SBF2: variants seen among roughly 807,000 people sequenced by gnomAD.
SBF2 encodes SET binding factor 2.
SBF2 carries 112 observed loss-of-function variants against 225.2 expected under a neutral mutation model. That is an observed-to-expected ratio of 0.50 (90% CI 0.43 to 0.58). The LOEUF (loss-of-function observed/expected upper bound fraction) is 0.58, where lower values mean the gene tolerates loss of function less well. Ranked by LOEUF, SBF2 falls within the 20% of genes least tolerant of loss-of-function variation. SBF2 has a pLI of 0.00. For missense variants in SBF2, 1,996 were observed against 2,206.2 expected, an observed-to-expected ratio of 0.90 and a Z score of 1.91; for synonymous variants, 763 against 773.3, an observed-to-expected ratio of 0.99 and a Z score of 0.22.
intron 1 of SBF2, 56 bp downstream of exon 1, chr11:10,293,959 T>C: frequency 8.5e-7 from 1 of 1,175,448 alleles, no homozygotes; most frequent in Non-Finnish European, 1.1e-6. Context: ...CGGAGCCCAC[T>C]GGACAGCGGC....
chr11:9,890,739 T>G (rs1860732428), intron 17 of SBF2, among the ~76,000 whole-genome samples: 1 of 152,188 alleles, frequency 6.6e-6, no homozygotes, highest in Non-Finnish European at 1.5e-5. Context: ...GGCTTTGCCA[T>G]ATTTTGACAG....
chr11:9,939,392 G>A lies in SBF2; in HGVS notation c.1860+22565C>T, dbSNP rs145314219. Among the ~76,000 whole-genome samples, 1,102 of 152,214 alleles carry A rather than the reference G, an allele frequency of 7.2e-3. 54 individuals are homozygous for A. The highest frequency in any genetic ancestry group is 0.051 in the Admixed American group (784 of 15,296). On this transcript the variant is annotated intron_variant, in intron 16 of 39. Coordinates refer to ENST00000256190, the MANE Select transcript of SBF2 (RefSeq NM_030962.4). ...ATTACAGGCGTGAGCCACTGCGCCC[G>A]GCCTAAACATGCATTTAAAATAATG...
chr11:9,977,581 A>C (rs1294041917), intron 13 of SBF2, among the ~76,000 whole-genome samples: 2 of 152,154 alleles, frequency 1.3e-5, no homozygotes, highest in Non-Finnish European at 2.9e-5. Context: ...AAAGCCAAAA[A>C]AGTAGGCCAA....
intron 1 of SBF2, among the ~76,000 whole-genome samples, chr11:10,300,041 A>AT (rs1964579824): frequency 6.6e-6 from 1 of 151,942 alleles, no homozygotes; most frequent in African/African-American, 2.4e-5. Context: ...GACTCCTTTC[A>AT]TTTTTTCTAA....
chr11:10,106,454 C>T (rs1201775724), intron 2 of SBF2, among the ~76,000 whole-genome samples: 1 of 151,954 alleles, frequency 6.6e-6, no homozygotes, highest in Non-Finnish European at 1.5e-5. Flanking sequence ...TGGCGAAACC[C>T]CATCTCTACT....
At chr11:9,784,023 AG>A (rs749771986) in intron 38 of SBF2, among the ~76,000 whole-genome samples, 39 of 152,188 alleles carry the variant, frequency 2.6e-4, no homozygotes, top group Non-Finnish European at 5.1e-4. Context: ...TGAAAACCTC[AG>A]GAATCCCCTC....
At chr11:10,167,949 T>C (rs1591113816) in intron 2 of SBF2, among the ~76,000 whole-genome samples, 1 of 152,158 alleles carries the variant, frequency 6.6e-6, no homozygotes, top group Non-Finnish European at 1.5e-5. Context: ...GTCCCGGAGG[T>C]GGAGGTTGTG....
intron 2 of SBF2, among the ~76,000 whole-genome samples, chr11:10,166,989 A>ACACACACACACACACAC (rs34539770): frequency 2.6e-5 from 4 of 151,364 alleles, no homozygotes; most frequent in Admixed American, 6.6e-5. Context: ...ACACACACAC[A>ACACACACACACACACAC]AAAAGGCTAC....
chr11:9,927,969 C>T (rs1201706028), intron 16 of SBF2, among the ~76,000 whole-genome samples: 18 of 151,534 alleles, frequency 1.2e-4, no homozygotes, highest in Non-Finnish European at 1.5e-5. Flanking sequence ...AAACTAGAAA[C>T]AGCTGAGATC....
chr11:10,234,243 CT>C (rs1490287178), intron 1 of SBF2, among the ~76,000 whole-genome samples: 1 of 152,066 alleles, frequency 6.6e-6, no homozygotes, highest in Non-Finnish European at 1.5e-5. Context: ...GTTTTTACCC[CT>C]CATTTTGATC....
chr11:9,796,208 AG>A (rs1853114296), intron 32 of SBF2, among the ~76,000 whole-genome samples: 1 of 152,106 alleles, frequency 6.6e-6, no homozygotes, highest in Non-Finnish European at 1.5e-5. Context: ...CGGTATAGCA[AG>A]AGAGGCATTA....
At chr11:9,862,943 C>A (rs1469743877) in intron 17 of SBF2, among the ~76,000 whole-genome samples, 2 of 151,984 alleles carry the variant, frequency 1.3e-5, no homozygotes, top group East Asian at 3.8e-4. Context: ...TTTGTCAAAT[C>A]ACATCTCTCT....
chr11:9,839,744 T>A, intron 25 of SBF2, 48 bp from the exon 26 acceptor site: 1 of 1,546,238 alleles, frequency 6.5e-7, no homozygotes, highest in Non-Finnish European at 8.9e-7. Context: ...CTCAAAGCAA[T>A]TGAGGTCTTC....
At chr11:10,276,263 T>A (rs1274496355) in intron 1 of SBF2, among the ~76,000 whole-genome samples, 2 of 152,224 alleles carry the variant, frequency 1.3e-5, no homozygotes, top group African/African-American at 4.8e-5. Flanking sequence ...AACCTTCCTG[T>A]GTAACAAGTT....
chr11:9,942,728 G>C (rs893671844), intron 16 of SBF2, among the ~76,000 whole-genome samples: 3 of 152,078 alleles, frequency 2.0e-5, no homozygotes, highest in African/African-American at 7.2e-5. Context: ...CTACCAGGGA[G>C]GTTGAGGTGA....
chr11:9,790,517 A>T, intron 34 of SBF2, 39 bp downstream of exon 34: 1 of 1,543,130 alleles, frequency 6.5e-7, no homozygotes, highest in Admixed American at 1.8e-5. Flanking sequence ...CTTAACACAA[A>T]ATTTCAGAAA....
At chr11:9,864,954 G>A (rs1858068020) in intron 17 of SBF2, among the ~76,000 whole-genome samples, 1 of 151,510 alleles carries the variant, frequency 6.6e-6, no homozygotes, top group Admixed American at 6.6e-5. Flanking sequence ...CTGCTGCCCA[G>A]GCTACAGTGC....
chr11:10,041,275 T>C (rs941780659), intron 3 of SBF2, among the ~76,000 whole-genome samples: 4 of 152,088 alleles, frequency 2.6e-5, no homozygotes, highest in African/African-American at 4.8e-5. Context: ...AAAATGAGAA[T>C]TTGATTAGCT....
chr11:9,975,809 C>G (rs1946653989), intron 13 of SBF2, among the ~76,000 whole-genome samples: 1 of 151,992 alleles, frequency 6.6e-6, no homozygotes, highest in Non-Finnish European at 1.5e-5. Context: ...TTACTTCCTT[C>G]CTATAATTAA....
Sources: allele counts gnomAD v4.1 joint callset (sites outside exome capture counted in the v4.1 genomes callset), GRCh38; gene constraint gnomAD v4.1.1; transcripts MANE v1.5; gene names NCBI Gene and HGNC (gene_info 2026-07-23, HGNC 2026-07-21).